PARP15: variants seen among roughly 807,000 people sequenced by gnomAD.
PARP15 encodes protein mono-ADP-ribosyltransferase PARP15.
In PARP15, 50 loss-of-function variants were observed where a neutral mutation model predicts 62.1. The ratio of observed to expected loss-of-function variants is 0.81; its 90% CI spans 0.64 to 1.02. The LOEUF is 1.02. Ranked by LOEUF, PARP15 falls within the 50% of genes least tolerant of loss-of-function variation. The pLI is 0.00. For missense variants in PARP15, 820 were observed against 826.5 expected (o/e 0.99, Z 0.10); for synonymous variants, 309 against 293.1 (o/e 1.05, Z -0.55).
chr3:122,586,690 TAC>T (rs1933456284), intron 1 of PARP15, among the ~76,000 whole-genome samples: 1 of 152,146 alleles, frequency 6.6e-6, no homozygotes, highest in Admixed American at 6.5e-5. Flanking sequence ...TAGCAGAAAG[TAC>T]AGAGTTCCTA....
In PARP15 at chr3:122,626,966, C is replaced by A. The variant is rs756700029; in HGVS notation, c.1371C>A (p.Tyr457Ter). ...IFQPELLNIF[Y>*]DSMKKRDLSA... ...AACCTGAGCTGCTAAATATATTCTA[C>A]GACAGCATGAAAAAAAGAGACCTCT... Residue 457 changes from tyrosine (Y) to a stop codon, truncating the protein, a stop_gained, in exon 9 of 12, where the codon TAC (tyrosine) becomes TAA (stop). Coordinates refer to ENST00000464300, the MANE Select transcript of PARP15 (RefSeq NM_001113523.3). LOFTEE classifies it high-confidence loss of function. 6.2e-7 allele frequency: 1 copy of A among 1,613,896 alleles called. No homozygotes were observed. Among genetic ancestry groups the A allele is most frequent in the South Asian group, 1.1e-5 (1 of 91,042 alleles).
intron 1 of PARP15, among the ~76,000 whole-genome samples, chr3:122,583,759 G>A (rs192093118): frequency 6.6e-6 from 1 of 152,298 alleles, no homozygotes. Flanking sequence ...TAAGAATTAT[G>A]AGATTTTTCT....
chr3:122,589,029 C>T (rs905265164), intron 1 of PARP15, among the ~76,000 whole-genome samples: 3 of 152,094 alleles, frequency 2.0e-5, no homozygotes, highest in Admixed American at 1.3e-4. Context: ...ATAATGCTGC[C>T]GTGAACATTT....
chr3:122,605,235 T>C (rs936791002), intron 1 of PARP15, among the ~76,000 whole-genome samples: 1 of 152,100 alleles, frequency 6.6e-6, no homozygotes, highest in African/African-American at 2.4e-5. Context: ...GGGTTCAGTA[T>C]GCCTGTACTT....
intron 1 of PARP15, among the ~76,000 whole-genome samples, chr3:122,587,093 C>T (rs1343265301): frequency 1.3e-5 from 2 of 149,880 alleles, no homozygotes; most frequent in Non-Finnish European, 2.9e-5. Flanking sequence ...CCTTAAGTTT[C>T]CTCTGTGTTT....
intron 4 of PARP15, among the ~76,000 whole-genome samples, chr3:122,614,201 C>T (rs1171559854): frequency 6.6e-6 from 1 of 152,116 alleles, no homozygotes; most frequent in Non-Finnish European, 1.5e-5. Context: ...ATTGTTCTAA[C>T]TATTAAAACG....
intron 1 of PARP15, chr3:122,594,506 C>T: frequency 1.0e-6 from 1 of 975,786 alleles, no homozygotes. Flanking sequence ...CTCAAACGAT[C>T]TCAAATTGGA....
At chr3:122,631,966 T>C in intron 9 of PARP15, 120 bp from the exon 10 acceptor site, 5 of 1,092,328 alleles carry the variant, frequency 4.6e-6, no homozygotes, top group East Asian at 2.4e-5. Flanking sequence ...TTGTGAAATG[T>C]GTAACTTCTC....
At chr3:122,629,700 G>A (rs1191182735) in intron 9 of PARP15, among the ~76,000 whole-genome samples, 2 of 151,206 alleles carry the variant, frequency 1.3e-5, no homozygotes, top group Non-Finnish European at 3.0e-5. Flanking sequence ...TTACCACAGT[G>A]TAGAATCAGT....
At chr3:122,583,249 C>T (rs758703075) in intron 1 of PARP15, among the ~76,000 whole-genome samples, 20 of 148,852 alleles carry the variant, frequency 1.3e-4, no homozygotes, top group South Asian at 4.3e-4. Flanking sequence ...GCCTCCTAAA[C>T]GCTGGGATTA....
chr3:122,617,039 C>T lies in PARP15; in HGVS notation c.875C>T (p.Pro292Leu), dbSNP rs747311527. ...TQGVVGTVSK[P>L]CFTAYEMKIG... is the part of the protein sequence containing the mutation. The stretch of plus-strand genomic sequence containing the variant: ...GGTGTGGTCGGGACTGTCTCTAAGC[C>T]TTGTTTCACAGCATATGAAATGAAA... The change falls in exon 6 of 12, where the codon CCT (proline) becomes CTT (leucine). Residue 292 changes from proline to leucine, a missense_variant. This residue lies in a region of PARP15 where 731 missense variants were observed against 727.7 expected (regional missense o/e 1.00). Coordinates refer to ENST00000464300, the MANE Select transcript of PARP15 (RefSeq NM_001113523.3). 3 of 1,614,070 alleles carry T rather than the reference C, an allele frequency of 1.9e-6. No homozygotes were observed. Among genetic ancestry groups the T allele is most frequent in the Non-Finnish European group, 2.5e-6 (3 of 1,179,998 alleles).
At chr3:122,584,095 A>G (rs1400166149) in intron 1 of PARP15, among the ~76,000 whole-genome samples, 1 of 152,208 alleles carries the variant, frequency 6.6e-6, no homozygotes, top group African/African-American at 2.4e-5. Context: ...CTTCTCTCCA[A>G]GGAATCACTG....
At chr3:122,583,968 T>C (rs6785609) in intron 1 of PARP15, among the ~76,000 whole-genome samples, 56,442 of 151,994 alleles carry the variant, frequency 0.37, 10,912 homozygotes, top group Admixed American at 0.46. Context: ...CCAGGCTTCT[T>C]CTGAGTTTCT....
chr3:122,619,561 C>CGCCA (rs1936203852), intron 6 of PARP15, among the ~76,000 whole-genome samples: 3 of 152,048 alleles, frequency 2.0e-5, no homozygotes, highest in Non-Finnish European at 4.4e-5. Context: ...AAGTTGCAGA[C>CGCCA]GCCAGCCTTT....
intron 1 of PARP15, among the ~76,000 whole-genome samples, chr3:122,586,380 G>C (rs370396981): frequency 7.2e-5 from 11 of 151,870 alleles, no homozygotes; most frequent in East Asian, 3.9e-4. Flanking sequence ...CTAATTTTTT[G>C]AAAAGCTTTT....
chr3:122,636,482 C>G lies in PARP15; in HGVS notation c.*382C>G, dbSNP rs1217057033. ...TCGAATGGTGGCGGGTTAAACTGTA[C>G]TGCTTAAGTGGAGCGGCTACCGTTA... On this transcript the variant is annotated 3_prime_UTR_variant, in exon 12 of 12. Coordinates refer to ENST00000464300, the MANE Select transcript of PARP15 (RefSeq NM_001113523.3). The G allele has an allele frequency of 5.0e-6, 1 of 201,496 alleles. No homozygotes were observed. Among genetic ancestry groups the G allele is most frequent in the African/African-American group, 2.3e-5 (1 of 43,392 alleles). 12.5% of individuals were successfully genotyped at this position (201,496 alleles called of 1,614,324 possible). A position where few individuals can be genotyped will look rare whatever the true frequency, so the allele number is the denominator to read the frequency against.
intron 9 of PARP15, among the ~76,000 whole-genome samples, chr3:122,630,245 T>C (rs1936987818): frequency 6.6e-6 from 1 of 152,194 alleles, no homozygotes; most frequent in South Asian, 2.1e-4. Flanking sequence ...GACTCTGTTT[T>C]CTCTCCTCTA....
chr3:122,594,681 T>C, intron 1 of PARP15: 1 of 926,060 alleles, frequency 1.1e-6, no homozygotes, highest in Non-Finnish European at 1.3e-6. Context: ...AAATTACTTT[T>C]AAAAATCTAT....
intron 5 of PARP15, 152 bp from the exon 6 acceptor site, chr3:122,616,863 T>C: frequency 2.8e-6 from 2 of 716,338 alleles, no homozygotes; most frequent in Non-Finnish European, 4.5e-6. Context: ...AAAACCAAGC[T>C]GTTTAAGAGG....
Sources: gnomAD v4.1 joint callset for allele counts (sites outside exome capture counted in the v4.1 genomes callset) on GRCh38, gnomAD v4.1.1 for gene constraint, gnomAD v4.1.1 regional missense constraint, MANE v1.5 for transcripts, NCBI Gene and HGNC (gene_info 2026-07-23, HGNC 2026-07-21) for gene names.